Variants in PHACTR1 observed in about 807,000 individuals in gnomAD.
PHACTR1 encodes the protein RPEL repeat containing 1.
PHACTR1 carries 16 observed loss-of-function variants against 69.2 expected under a neutral mutation model. That is an observed-to-expected ratio of 0.23 (90% CI 0.16 to 0.35). PHACTR1 has a LOEUF of 0.35. PHACTR1 is among the 10% of genes least tolerant of loss of function. The probability of loss-of-function intolerance (pLI) is 1.00; values close to 1 mark genes in which losing one functional copy is unlikely to be tolerated. For missense variants in PHACTR1, 510 were observed against 734.7 expected (o/e 0.69, Z 3.54); for synonymous variants, 312 against 284.5 (o/e 1.10, Z -0.97).
intron 8 of PHACTR1, among the ~76,000 whole-genome samples, chr6:13,220,368 T>C (rs915495124): frequency 6.6e-6 from 1 of 152,246 alleles, no homozygotes; most frequent in African/African-American, 2.4e-5. Context: ...GTTTTTCCCT[T>C]GGAAAATAAT....
At chr6:13,144,488 C>A (rs1198948986) in intron 5 of PHACTR1, among the ~76,000 whole-genome samples, 1 of 152,112 alleles carries the variant, frequency 6.6e-6, no homozygotes, top group East Asian at 1.9e-4. Context: ...TATTCATGGA[C>A]TAGAAGACTC....
intron 10 of PHACTR1, among the ~76,000 whole-genome samples, chr6:13,233,624 C>T (rs1771562297): frequency 2.6e-5 from 4 of 152,138 alleles, no homozygotes; most frequent in African/African-American, 9.7e-5. Context: ...GTGAGACCTA[C>T]TCATTATCAT....
chr6:12,845,917 A>G (rs1216157033), intron 4 of PHACTR1, among the ~76,000 whole-genome samples: 1 of 152,196 alleles, frequency 6.6e-6, no homozygotes, highest in African/African-American at 2.4e-5. Flanking sequence ...TTGTGTGCAG[A>G]TTTCATGCAC....
chr6:13,093,270 G>A (rs1813578499), intron 5 of PHACTR1, among the ~76,000 whole-genome samples: 1 of 152,124 alleles, frequency 6.6e-6, no homozygotes, highest in Admixed American at 6.6e-5. Context: ...TTACAAAGAG[G>A]CATCTTCTGA....
At chr6:12,751,868 T>C (rs1766660106) in intron 4 of PHACTR1, among the ~76,000 whole-genome samples, 1 of 152,204 alleles carries the variant, frequency 6.6e-6, no homozygotes, top group African/African-American at 2.4e-5. Context: ...ATTAGCAGCC[T>C]GGTCTGTACT....
At chr6:12,835,521 C>A (rs1778066447) in intron 4 of PHACTR1, among the ~76,000 whole-genome samples, 1 of 152,024 alleles carries the variant, frequency 6.6e-6, no homozygotes, top group African/African-American at 2.4e-5. Flanking sequence ...CATTGTCATT[C>A]AAAATTCAAT....
At chr6:12,741,220 C>T (rs1041742148) in intron 3 of PHACTR1, among the ~76,000 whole-genome samples, 1 of 151,934 alleles carries the variant, frequency 6.6e-6, no homozygotes, top group African/African-American at 2.4e-5. Context: ...AACAGAAGTT[C>T]TTAATTTTAA....
chr6:12,885,010 C>T (rs1052219550), intron 4 of PHACTR1, among the ~76,000 whole-genome samples: 1 of 152,188 alleles, frequency 6.6e-6, no homozygotes, highest in Non-Finnish European at 1.5e-5. Context: ...AGAGGATGAA[C>T]AGGACCATCT....
intron 4 of PHACTR1, among the ~76,000 whole-genome samples, chr6:12,844,437 A>G (rs1227581503): frequency 1.3e-5 from 2 of 152,000 alleles, no homozygotes; most frequent in Non-Finnish European, 2.9e-5. Context: ...AAAATAAAAC[A>G]TTAACAAGAG....
rs142452425 is a variant in PHACTR1 at position 13,238,478 on chromosome 6, A to G, written c.1391+8285A>G. On this transcript the variant is annotated intron_variant, in intron 10 of 14. Coordinates refer to ENST00000332995, the MANE Select transcript of PHACTR1 (RefSeq NM_030948.6). The stretch of plus-strand genomic sequence containing the variant: ...AAAAAGTATCCTAAATCTGTATTTT[A>G]TACTCCTAAGTAGTCTACACCATTG... Among the ~76,000 whole-genome samples, 354 of 152,352 alleles carry G rather than the reference A, an allele frequency of 2.3e-3. 1 individual carries two copies. Among genetic ancestry groups the G allele is most frequent in the African/African-American group, 8.0e-3 (332 of 41,590 alleles).
intron 10 of PHACTR1, among the ~76,000 whole-genome samples, chr6:13,238,881 T>C (rs1358631535): frequency 6.6e-6 from 1 of 152,072 alleles, no homozygotes; most frequent in South Asian, 2.1e-4. Flanking sequence ...TTACTTAGTG[T>C]CCCTGGATAC....
At chr6:12,725,680 T>G (rs1211267272) in intron 3 of PHACTR1, among the ~76,000 whole-genome samples, 1 of 152,236 alleles carries the variant, frequency 6.6e-6, no homozygotes, top group Admixed American at 6.5e-5. Flanking sequence ...TCTATTGTTA[T>G]TGATTAGTTA....
At chr6:12,952,955 C>T (rs577280909) in intron 4 of PHACTR1, among the ~76,000 whole-genome samples, 19 of 152,286 alleles carry the variant, frequency 1.2e-4, no homozygotes, top group African/African-American at 4.6e-4. Context: ...CCAAAAATGA[C>T]TCTGAGAAAA....
chr6:13,151,439 C>G (rs919969632), intron 5 of PHACTR1, among the ~76,000 whole-genome samples: 11 of 152,160 alleles, frequency 7.2e-5, no homozygotes, highest in African/African-American at 2.4e-4. Flanking sequence ...TAGAAAATAC[C>G]CGGCCCAGAA....
At chr6:12,955,595 C>T (rs568176653) in intron 4 of PHACTR1, among the ~76,000 whole-genome samples, 1 of 152,236 alleles carries the variant, frequency 6.6e-6, no homozygotes, top group African/African-American at 2.4e-5. Context: ...TTTATTACTG[C>T]ATCCTCCTCC....
chr6:12,935,583 T>C (rs1003184418), intron 4 of PHACTR1, among the ~76,000 whole-genome samples: 4 of 151,902 alleles, frequency 2.6e-5, no homozygotes, highest in African/African-American at 7.3e-5. Context: ...ACAAAGAAAA[T>C]AGCATCTCAG....
chr6:12,995,236 C>T (rs1797283923), intron 4 of PHACTR1, among the ~76,000 whole-genome samples: 1 of 143,976 alleles, frequency 6.9e-6, no homozygotes, highest in Non-Finnish European at 1.5e-5. Context: ...GTTGTAATGA[C>T]AACTATTAAA....
chr6:13,164,265 G>A (rs1301902901), intron 6 of PHACTR1, among the ~76,000 whole-genome samples: 2 of 152,060 alleles, frequency 1.3e-5, no homozygotes, highest in East Asian at 1.9e-4. Context: ...GAATTTTATT[G>A]CCGCAACCTG....
At chr6:13,184,884 C>G (rs1762637865) in intron 7 of PHACTR1, 3 of 1,366,594 alleles carry the variant, frequency 2.2e-6, no homozygotes, top group South Asian at 1.1e-5. Context: ...TACTGCCCCC[C>G]AAAAAACCTG....
Sources: gnomAD v4.1 joint callset for allele counts (sites outside exome capture counted in the v4.1 genomes callset) on GRCh38, gnomAD v4.1.1 for gene constraint, MANE v1.5 for transcripts, NCBI Gene and HGNC (gene_info 2026-07-23, HGNC 2026-07-21) for gene names.